TNRC6B: variants seen among roughly 807,000 people sequenced by gnomAD.
TNRC6B encodes the protein trinucleotide repeat containing adaptor 6B, also known as trinucleotide repeat-containing gene 6B protein.
In TNRC6B, 52 loss-of-function variants were observed where a neutral mutation model predicts 203.6. That is an observed-to-expected ratio of 0.26 (90% CI 0.20 to 0.32). The LOEUF is 0.32. TNRC6B is among the 10% of genes least tolerant of loss of function. The probability of loss-of-function intolerance (pLI) is 1.00; values close to 1 mark genes in which losing one functional copy is unlikely to be tolerated. For missense variants in TNRC6B, 1,923 were observed against 2,286.2 expected (o/e 0.84, Z 3.24); for synonymous variants, 838 against 845.7 (o/e 0.99, Z 0.16).
At chr22:40,157,524 G>A (rs2068828415) in intron 4 of TNRC6B, among the ~76,000 whole-genome samples, 2 of 152,186 alleles carry the variant, frequency 1.3e-5, no homozygotes, top group Admixed American at 1.3e-4. Context: ...TATTTTCACA[G>A]CTGGTTTAAT....
At chr22:40,108,705 G>A (rs540339035) in intron 1 of TNRC6B, among the ~76,000 whole-genome samples, 2 of 152,258 alleles carry the variant, frequency 1.3e-5, no homozygotes, top group Admixed American at 1.3e-4. Context: ...AATTTGCAAA[G>A]ATGTAAAACA....
chr22:40,147,987 A>G (rs1006287769), intron 3 of TNRC6B, among the ~76,000 whole-genome samples: 1 of 152,206 alleles, frequency 6.6e-6, no homozygotes, highest in Admixed American at 6.6e-5. Flanking sequence ...TGTAAATACA[A>G]TAAAAGCCAC....
intron 1 of TNRC6B, among the ~76,000 whole-genome samples, chr22:40,054,856 G>A (rs1223018410): frequency 6.6e-6 from 1 of 150,410 alleles, no homozygotes; most frequent in Non-Finnish European, 1.5e-5. Context: ...TGGGTGACAT[G>A]GTGAAACCCA....
intron 1 of TNRC6B, among the ~76,000 whole-genome samples, chr22:40,072,217 T>C (rs1403125766): frequency 1.3e-5 from 2 of 152,186 alleles, no homozygotes; most frequent in Non-Finnish European, 2.9e-5. Flanking sequence ...ATATAAATTA[T>C]TGATCTATTT....
At chr22:40,207,418 A>AAAATATAT (rs1475466762) in intron 1 of TNRC6B, among the ~76,000 whole-genome samples, 3 of 128,880 alleles carry the variant, frequency 2.3e-5, no homozygotes, top group Non-Finnish European at 3.2e-5. Context: ...AAAAAAAAAA[A>AAAATATAT]ATATATATAT....
chr22:40,066,436 C>T (rs145347915), intron 1 of TNRC6B, among the ~76,000 whole-genome samples: 8 of 152,014 alleles, frequency 5.3e-5, no homozygotes, highest in East Asian at 3.9e-4. Context: ...TTGGAATTTC[C>T]GTAGGGGGAA....
chr22:40,166,147 C>G (rs559420902), intron 4 of TNRC6B, among the ~76,000 whole-genome samples: 6 of 152,262 alleles, frequency 3.9e-5, no homozygotes, highest in African/African-American at 1.4e-4. Context: ...GTTTCCTTCT[C>G]CCTTACATCT....
chr22:40,190,915 T>A (rs1451196524), intron 1 of TNRC6B, among the ~76,000 whole-genome samples: 4 of 152,226 alleles, frequency 2.6e-5, no homozygotes, highest in African/African-American at 9.6e-5. Context: ...TGAACAAATC[T>A]AATGTGTCGA....
intron 2 of TNRC6B, among the ~76,000 whole-genome samples, chr22:40,250,933 CTTTT>C (rs11330855): frequency 1.5e-5 from 2 of 133,208 alleles, no homozygotes; most frequent in Admixed American, 1.5e-4. Flanking sequence ...GAGTGGAATG[CTTTT>C]TTTTTTTTTT....
Position 40,270,157 on chromosome 22 carries a change from G to A in TNRC6B, c.2842G>A (p.Gly948Ser). The change falls in exon 6 of 23, where the codon GGT (glycine) becomes AGT (serine). Residue 948 changes from glycine to serine, a missense_variant. Physicochemically the swap from Gly to Ser is moderately conservative, Grantham distance 56. Coordinates refer to ENST00000454349, the MANE Select transcript of TNRC6B (RefSeq NM_001162501.2). ...SKSTPPAPDNGTSAWGEPNES... is the reference protein window; with the variant it reads ...SKSTPPAPDNSTSAWGEPNES... Reference sequence around the variant, plus strand: ...AAGCACACCACCTGCTCCAGATAATGGTACTTCCGCTTGGGGTGAGCCAAA... The same window carrying A: ...AAGCACACCACCTGCTCCAGATAATAGTACTTCCGCTTGGGGTGAGCCAAA... The A allele has an allele frequency of 1.9e-6, 3 of 1,587,256 alleles. No homozygotes were observed. Among genetic ancestry groups the A allele is most frequent in the East Asian group, 2.3e-5 (1 of 43,908 alleles).
At position 40,322,841 on chromosome 22, in the gene TNRC6B, T is replaced by G. The variant is rs2071353265; in HGVS notation, c.5115-13T>G. ...CCTGAGATCCATAGCTCTCTTTCCC[T>G]CCCTTCTTCCAGGTGTGTGTTGGGA... is the stretch of plus-strand genomic sequence containing the variant. On this transcript the variant is annotated splice_polypyrimidine_tract_variant and intron_variant, in intron 22 of 22. Transcript: ENST00000454349. 2 of 1,613,634 alleles carry G rather than the reference T, an allele frequency of 1.2e-6. No individual in the cohort carries two copies. The highest frequency in any genetic ancestry group is 1.7e-6 in the Non-Finnish European group (2 of 1,179,854).
chr22:40,316,813 A>C (rs2071265937), intron 21 of TNRC6B, among the ~76,000 whole-genome samples: 1 of 152,170 alleles, frequency 6.6e-6, no homozygotes, highest in African/African-American at 2.4e-5. Flanking sequence ...GATGATGATA[A>C]CACATACAGT....
intron 3 of TNRC6B, among the ~76,000 whole-genome samples, chr22:40,252,405 C>T (rs1274483148): frequency 6.6e-6 from 1 of 152,102 alleles, no homozygotes; most frequent in Non-Finnish European, 1.5e-5. Context: ...TGATGGGAAG[C>T]CCTGTAATGA....
At chr22:40,075,303 G>A (rs1374130536) in intron 1 of TNRC6B, among the ~76,000 whole-genome samples, 1 of 150,038 alleles carries the variant, frequency 6.7e-6, no homozygotes, top group East Asian at 2.0e-4. Context: ...CATGCATCTT[G>A]AGCCTCTGTA....
intron 1 of TNRC6B, among the ~76,000 whole-genome samples, chr22:40,205,586 A>G (rs2069468084): frequency 6.6e-6 from 1 of 152,250 alleles, no homozygotes; most frequent in South Asian, 2.1e-4. Flanking sequence ...GAAAATTGAC[A>G]GTTAAGCATT....
chr22:40,281,300 C>T lies in TNRC6B; in HGVS notation c.3582+11C>T. ...TTCGCTGCTAGACAAGTAAGGAGGCCTCTCAAATTTATAACTGCTTGGCTA... is the reference window on the plus strand; with the variant it reads ...TTCGCTGCTAGACAAGTAAGGAGGCTTCTCAAATTTATAACTGCTTGGCTA... On this transcript the variant is annotated intron_variant, in intron 11 of 22. Coordinates refer to ENST00000454349, the MANE Select transcript of TNRC6B (RefSeq NM_001162501.2). 1 of 1,534,516 alleles carries T rather than the reference C, an allele frequency of 6.5e-7. No homozygotes were observed. The highest frequency in any genetic ancestry group is 8.8e-7 in the Non-Finnish European group (1 of 1,138,496).
In TNRC6B at chr22:40,330,544, T is replaced by G. The variant is rs150322503; in HGVS notation, c.*7303T>G. 11 of 152,724 alleles carry G rather than the reference T, an allele frequency of 7.2e-5. No homozygotes were observed. Among genetic ancestry groups the G allele is most frequent in the African/African-American group, 2.6e-4 (11 of 41,566 alleles). 9.5% of individuals were successfully genotyped at this position (152,724 alleles called of 1,614,324 possible). Reference sequence around the variant, plus strand: ...ACAAAATAAAAACCTTTGGAACCCTTTAAGAAGTTACATACCTTTTAAAGG... The same window carrying G: ...ACAAAATAAAAACCTTTGGAACCCTGTAAGAAGTTACATACCTTTTAAAGG... On this transcript the variant is annotated 3_prime_UTR_variant, in exon 23 of 23. Transcript: ENST00000454349.
chr22:40,312,692 A>G lies in TNRC6B; in HGVS notation c.4582+41A>G, dbSNP rs376754956. The G allele has an allele frequency of 1.2e-5, 19 of 1,578,384 alleles. No individual in the cohort carries two copies. In the African/African-American group the frequency reaches 2.4e-4, roughly 20 times the overall value. ...ATCTCTTATATGTTCAACACCCAGC[A>G]TTTTCATAGTTGTCAGTTTGTGACT... is the stretch of plus-strand genomic sequence containing the variant. On this transcript the variant is annotated intron_variant, in intron 18 of 22. Transcript: ENST00000454349.
chr22:40,273,405 A>C lies in TNRC6B; in HGVS notation c.2966-20A>C, dbSNP rs772095439. On this transcript the variant is annotated intron_variant, in intron 6 of 22. Transcript: ENST00000454349. Reference sequence around the variant, plus strand: ...TTTTATATAGCTGTTGCAAAGAGTTAATTCATTCTTTCCTTAAAGATTCCA... The same window carrying C: ...TTTTATATAGCTGTTGCAAAGAGTTCATTCATTCTTTCCTTAAAGATTCCA... 1 of 1,577,596 alleles carries C rather than the reference A, an allele frequency of 6.3e-7. No individual in the cohort carries two copies. Among genetic ancestry groups the C allele is most frequent in the East Asian group, 2.3e-5 (1 of 44,066 alleles).
Sources: allele counts gnomAD v4.1 joint callset (sites outside exome capture counted in the v4.1 genomes callset), GRCh38; gene constraint gnomAD v4.1.1; transcripts MANE v1.5; gene names NCBI Gene and HGNC (gene_info 2026-07-23, HGNC 2026-07-21).